Variants in FGF14 observed in about 807,000 individuals in gnomAD.
FGF14 encodes the protein fibroblast growth factor 14.
In FGF14, 5 loss-of-function variants were observed where a neutral mutation model predicts 25.5. The observed-to-expected ratio is 0.20, with a 90% CI of 0.10 to 0.41. The LOEUF is 0.41. Ranked by LOEUF, FGF14 falls within the 10% of genes least tolerant of loss-of-function variation. FGF14 has a pLI of 1.00. For synonymous variants in FGF14, 138 were observed against 118.3 expected (o/e 1.17, Z -1.08); for missense variants, 222 against 320.1 (o/e 0.69, Z 2.34).
At chr13:101,849,418 C>T (rs977791258) in intron 3 of FGF14, among the ~76,000 whole-genome samples, 1 of 152,048 alleles carries the variant, frequency 6.6e-6, no homozygotes, top group South Asian at 2.1e-4. Flanking sequence ...TTTTCATAAA[C>T]ATGGGCAGCC....
At chr13:102,109,819 C>T (rs1368919475) in intron 1 of FGF14, among the ~76,000 whole-genome samples, 6 of 152,124 alleles carry the variant, frequency 3.9e-5, no homozygotes, top group Admixed American at 3.9e-4. Context: ...GGGCTTTCAC[C>T]ATGTTGGCCA....
intron 1 of FGF14, among the ~76,000 whole-genome samples, chr13:101,998,747 G>T (rs955535879): frequency 6.6e-6 from 1 of 152,176 alleles, no homozygotes; most frequent in African/African-American, 2.4e-5. Context: ...GAGGAACTTT[G>T]TAAGTGGCCA....
intron 1 of FGF14, among the ~76,000 whole-genome samples, chr13:101,998,403 T>C (rs115959975): frequency 1.8e-3 from 270 of 152,296 alleles, no homozygotes; most frequent in Middle Eastern, 6.8e-3. Context: ...AGAAGGATCA[T>C]GTTATTTGTC....
chr13:101,904,773 T>C (rs2032026556), intron 1 of FGF14, among the ~76,000 whole-genome samples: 2 of 152,216 alleles, frequency 1.3e-5, no homozygotes, highest in Non-Finnish European at 1.5e-5. Context: ...ATAACATTTA[T>C]GGGAGTGTTT....
chr13:102,352,150 T>C (rs1218960020), intron 1 of FGF14, among the ~76,000 whole-genome samples: 1 of 152,020 alleles, frequency 6.6e-6, no homozygotes, highest in Non-Finnish European at 1.5e-5. Context: ...CATTATGGTG[T>C]ATTACTGAGC....
intron 3 of FGF14, among the ~76,000 whole-genome samples, chr13:101,853,316 T>A (rs980113992): frequency 6.6e-6 from 1 of 152,112 alleles, no homozygotes; most frequent in African/African-American, 2.4e-5. Context: ...GGAAAGGGAC[T>A]GACAGTCACT....
chr13:101,761,958 G>C (rs1241199104), intron 3 of FGF14, among the ~76,000 whole-genome samples: 2 of 152,110 alleles, frequency 1.3e-5, no homozygotes, highest in African/African-American at 4.8e-5. Flanking sequence ...GAATTGGACA[G>C]GAACCAGCTA....
chr13:101,846,389 T>C (rs1358298051), intron 3 of FGF14, among the ~76,000 whole-genome samples: 1 of 151,994 alleles, frequency 6.6e-6, no homozygotes, highest in Non-Finnish European at 1.5e-5. Context: ...TGTCAGCATA[T>C]TAAGAGCTAC....
At chr13:101,788,901 TATATATATAGAGAGAGAG>T (rs1336774769) in intron 3 of FGF14, among the ~76,000 whole-genome samples, 484 of 41,314 alleles carry the variant, frequency 0.012, 1 homozygote, top group African/African-American at 0.033. Flanking sequence ...TATATATATA[TATATATATAGAGAGAGAG>T]AGAGAGAGAG....
At chr13:102,266,599 T>C (rs563773969) in intron 1 of FGF14, among the ~76,000 whole-genome samples, 1 of 152,224 alleles carries the variant, frequency 6.6e-6, no homozygotes, top group South Asian at 2.1e-4. Context: ...TCAAATGATA[T>C]TCTTAAAGAA....
At chr13:102,360,877 A>G (rs1439491721) in intron 1 of FGF14, among the ~76,000 whole-genome samples, 3 of 152,154 alleles carry the variant, frequency 2.0e-5, no homozygotes, top group African/African-American at 7.2e-5. Context: ...GCGTGCACAC[A>G]CACACACATA....
intron 1 of FGF14, among the ~76,000 whole-genome samples, chr13:102,359,527 G>A (rs948320856): frequency 3.9e-5 from 6 of 151,928 alleles, no homozygotes; most frequent in African/African-American, 9.7e-5. Context: ...TTCTTTCTGC[G>A]TAACACCAGC....
chr13:102,113,260 T>A (rs1287470083), intron 1 of FGF14, among the ~76,000 whole-genome samples: 1 of 152,208 alleles, frequency 6.6e-6, no homozygotes, highest in Non-Finnish European at 1.5e-5. Context: ...ACCACCTTCC[T>A]GATTGATTTG....
At chr13:102,215,714 A>T (rs745378835) in intron 1 of FGF14, among the ~76,000 whole-genome samples, 14 of 152,230 alleles carry the variant, frequency 9.2e-5, no homozygotes, top group Non-Finnish European at 1.9e-4. Flanking sequence ...TCTGATTAGA[A>T]CATTTTGTAT....
At chr13:102,030,450 A>C (rs1295549647) in intron 1 of FGF14, among the ~76,000 whole-genome samples, 1 of 152,082 alleles carries the variant, frequency 6.6e-6, no homozygotes, top group South Asian at 2.1e-4. Context: ...GAAAGAAAGG[A>C]CAACCAAGGC....
intron 3 of FGF14, among the ~76,000 whole-genome samples, chr13:101,791,849 A>G (rs1327967617): frequency 6.6e-6 from 1 of 152,152 alleles, no homozygotes; most frequent in Non-Finnish European, 1.5e-5. Context: ...TCATTTGGAG[A>G]ACCCACTTGA....
chr13:102,153,117 C>G (rs1487079389), intron 1 of FGF14, among the ~76,000 whole-genome samples: 1 of 152,116 alleles, frequency 6.6e-6, no homozygotes, highest in Non-Finnish European at 1.5e-5. Flanking sequence ...AAAATTATCT[C>G]AAATAGGACA....
At chr13:102,026,892 A>C (rs2040956698) in intron 1 of FGF14, among the ~76,000 whole-genome samples, 1 of 152,040 alleles carries the variant, frequency 6.6e-6, no homozygotes, top group Non-Finnish European at 1.5e-5. Context: ...AATTGAACCC[A>C]GTGAAAGACT....
At chr13:102,000,097 C>T (rs961969809) in intron 1 of FGF14, among the ~76,000 whole-genome samples, 9 of 152,082 alleles carry the variant, frequency 5.9e-5, no homozygotes, top group African/African-American at 1.7e-4. Flanking sequence ...GGGCGGATCA[C>T]GAGGTCAGGA....
Sources: gnomAD v4.1 joint callset for allele counts (sites outside exome capture counted in the v4.1 genomes callset) on GRCh38, gnomAD v4.1.1 for gene constraint, MANE v1.5 for transcripts, NCBI Gene and HGNC (gene_info 2026-07-23, HGNC 2026-07-21) for gene names.